TNKS: variants seen among roughly 807,000 people sequenced by gnomAD.
The protein encoded by TNKS is poly [ADP-ribose] polymerase tankyrase-1.
Under a neutral mutation model 135.8 loss-of-function variants are expected in TNKS, and 72 were observed. The observed-to-expected ratio is 0.53, with a 90% CI of 0.44 to 0.64. The LOEUF (loss-of-function observed/expected upper bound fraction) is 0.64, where lower values mean the gene tolerates loss of function less well. TNKS is among the 30% of genes least tolerant of loss of function. The pLI, the probability that TNKS is intolerant of heterozygous loss-of-function variation, is 0.00. For missense variants in TNKS, 1,769 were observed against 1,674.0 expected, an observed-to-expected ratio of 1.06 and a Z score of -0.99; for synonymous variants, 849 against 649.3, an observed-to-expected ratio of 1.31 and a Z score of -4.68.
intron 3 of TNKS, among the ~76,000 whole-genome samples, chr8:9,625,400 G>A (rs1800020301): frequency 6.6e-6 from 1 of 150,910 alleles, no homozygotes; most frequent in African/African-American, 2.4e-5. Flanking sequence ...GTTGATTTTT[G>A]TTTTTTATTA....
In TNKS at chr8:9,570,631, A is replaced by G. The variant is rs112711559; in HGVS notation, c.674-9528A>G. On this transcript the variant is annotated intron_variant, in intron 1 of 26. Transcript: ENST00000310430. ...AAAACAAAGGGCCTCAATCCTCTAT[A>G]TGGCCCATGTTCCATTCTACATGAT... Among the ~76,000 whole-genome samples, 472 of 152,250 alleles carry G rather than the reference A, an allele frequency of 3.1e-3. 4 individuals are homozygous for G. Among genetic ancestry groups the G allele is most frequent in the African/African-American group, 0.01 (432 of 41,540 alleles).
chr8:9,588,336 G>A (rs1046276578), intron 2 of TNKS, among the ~76,000 whole-genome samples: 7 of 151,876 alleles, frequency 4.6e-5, no homozygotes, highest in African/African-American at 1.2e-4. Flanking sequence ...GTACAATGGC[G>A]GGATCTAGGC....
chr8:9,755,078 C>G (rs567755571), intron 20 of TNKS, among the ~76,000 whole-genome samples: 3 of 152,226 alleles, frequency 2.0e-5, no homozygotes, highest in East Asian at 1.9e-4. Flanking sequence ...ACAAATAATT[C>G]CAATTTACTG....
At chr8:9,708,252 G>A in intron 8 of TNKS, 119 bp from the exon 9 acceptor site, 1 of 878,122 alleles carries the variant, frequency 1.1e-6, no homozygotes, top group East Asian at 3.0e-5. Context: ...TCACATTGCT[G>A]CTGTTGTTAA....
intron 9 of TNKS, 40 bp from the exon 10 acceptor site, chr8:9,709,915 G>A: frequency 6.7e-7 from 1 of 1,486,090 alleles, no homozygotes; most frequent in East Asian, 2.3e-5. Context: ...CTGTACATAT[G>A]GAAGTGTATT....
rs1365885986 is a variant in TNKS, at chr8:9,580,097, T to C, written c.674-62T>C. The C allele has an allele frequency of 5.7e-6, 8 of 1,395,078 alleles. No individual in the cohort carries two copies. In the African/African-American group the frequency reaches 7.1e-5, roughly 12 times the overall value. 86.4% of individuals were successfully genotyped at this position (1,395,078 alleles called of 1,614,324 possible). ...ATACTTGTTGATATTGTTACAGATA[T>C]TCTAATGGTTCTTTTTACAAAATCA... On this transcript the variant is annotated intron_variant, in intron 1 of 26. Coordinates refer to ENST00000310430, the MANE Select transcript of TNKS (RefSeq NM_003747.3).
At chr8:9,574,332 G>C (rs1028094035) in intron 1 of TNKS, among the ~76,000 whole-genome samples, 1 of 152,134 alleles carries the variant, frequency 6.6e-6, no homozygotes, top group African/African-American at 2.4e-5. Context: ...TAAAAATAGA[G>C]TTGCTTAAGC....
intron 3 of TNKS, among the ~76,000 whole-genome samples, chr8:9,620,917 C>A (rs538579027): frequency 1.2e-4 from 18 of 152,286 alleles, no homozygotes; most frequent in African/African-American, 3.4e-4. Flanking sequence ...TTGTTTACTT[C>A]TTTATCCCCA....
At chr8:9,750,560 C>G (rs541637418) in intron 18 of TNKS, among the ~76,000 whole-genome samples, 3 of 152,128 alleles carry the variant, frequency 2.0e-5, no homozygotes, top group African/African-American at 7.2e-5. Flanking sequence ...CCCTTTCTCT[C>G]GCCTTCAGTA....
intron 14 of TNKS, among the ~76,000 whole-genome samples, chr8:9,731,556 A>C (rs926350633): frequency 6.6e-6 from 1 of 151,982 alleles, no homozygotes; most frequent in Non-Finnish European, 1.5e-5. Context: ...ACAGCATTCA[A>C]ATGTTGACCT....
intron 26 of TNKS, among the ~76,000 whole-genome samples, chr8:9,776,034 C>A (rs976897857): frequency 2.0e-5 from 3 of 151,974 alleles, no homozygotes; most frequent in Non-Finnish European, 4.4e-5. Flanking sequence ...ATTCCAGACA[C>A]AGCCTTGTGT....
chr8:9,556,277 C>T lies in TNKS; in HGVS notation c.338C>T (p.Ala113Val), dbSNP rs2129048267. 6.2e-7 allele frequency: 1 copy of T among 1,614,254 alleles called. No homozygotes were observed. Among genetic ancestry groups the T allele is most frequent in the Non-Finnish European group, 8.5e-7 (1 of 1,180,034 alleles). The change falls in exon 1 of 27, where the codon GCC becomes GTC. Residue 113 changes from alanine to valine, a missense_variant. By Grantham distance (64) the Ala-to-Val change is moderately conservative (BLOSUM62 0). This residue lies in a region of TNKS where 450 missense variants were observed against 304.9 expected (regional missense o/e 1.48). Coordinates refer to ENST00000310430, the MANE Select transcript of TNKS (RefSeq NM_003747.3). ...PVVPAVSTSS[A>V]AGVAPNPAGS... ...GTCCCAGCGGTTTCTACTTCATCTGCCGCTGGGGTCGCTCCCAACCCAGCC... is the reference window on the plus strand; with the variant it reads ...GTCCCAGCGGTTTCTACTTCATCTGTCGCTGGGGTCGCTCCCAACCCAGCC...
chr8:9,665,064 A>C (rs1801924769), intron 3 of TNKS, among the ~76,000 whole-genome samples: 1 of 152,246 alleles, frequency 6.6e-6, no homozygotes, highest in African/African-American at 2.4e-5. Flanking sequence ...ATGCTAATCA[A>C]GACCTTTCCT....
chr8:9,681,079 T>C, intron 5 of TNKS: 1 of 270,422 alleles, frequency 3.7e-6, no homozygotes. Flanking sequence ...AATTACAGCA[T>C]ATGCTCTTTT....
chr8:9,637,882 G>C (rs1563134387), intron 3 of TNKS, among the ~76,000 whole-genome samples: 1 of 152,064 alleles, frequency 6.6e-6, no homozygotes, highest in Non-Finnish European at 1.5e-5. Context: ...ATCACCAAAA[G>C]TTTGTGATTT....
At chr8:9,625,793 A>ACAAAGGTAGGACAAAGGTAGGACC (rs2128769403) in intron 3 of TNKS, among the ~76,000 whole-genome samples, 1 of 152,258 alleles carries the variant, frequency 6.6e-6, no homozygotes, top group African/African-American at 2.4e-5. Context: ...CTTTATTTGG[A>ACAAAGGTAGGACAAAGGTAGGACC]CAAAGGTAGG....
chr8:9,634,839 G>A (rs904800386), intron 3 of TNKS, among the ~76,000 whole-genome samples: 1 of 152,150 alleles, frequency 6.6e-6, no homozygotes, highest in Non-Finnish European at 1.5e-5. Context: ...AGCTAGGTCG[G>A]GGAAGGTGTA....
intron 17 of TNKS, chr8:9,743,369 G>A (rs796231567): frequency 6.6e-6 from 1 of 152,236 alleles, no homozygotes; most frequent in African/African-American, 2.4e-5. Context: ...TGAACTTAGG[G>A]TCTGAATATC....
chr8:9,677,046 G>A (rs1239015102), intron 3 of TNKS, among the ~76,000 whole-genome samples: 1 of 152,174 alleles, frequency 6.6e-6, no homozygotes. Context: ...TGGCTGTTAA[G>A]TAAGTAGCTC....
Sources: gnomAD v4.1 joint callset for allele counts (sites outside exome capture counted in the v4.1 genomes callset) on GRCh38, gnomAD v4.1.1 for gene constraint, gnomAD v4.1.1 regional missense constraint, MANE v1.5 for transcripts, NCBI Gene and HGNC (gene_info 2026-07-23, HGNC 2026-07-21) for gene names.